Variants in HECW1 observed in about 807,000 individuals in gnomAD.
HECW1 encodes HECT, C2 and WW domain containing E3 ubiquitin protein ligase 1.
Under a neutral mutation model 182.3 loss-of-function variants are expected in HECW1, and 61 were observed. That is an observed-to-expected ratio of 0.33 (90% CI 0.27 to 0.41). The LOEUF (loss-of-function observed/expected upper bound fraction) is 0.41. Among genes scored for constraint, HECW1 ranks in the 10% least tolerant of loss-of-function variants. The probability of loss-of-function intolerance (pLI) is 1.00; values close to 1 mark genes in which losing one functional copy is unlikely to be tolerated. For synonymous variants in HECW1, 859 were observed against 832.6 expected (o/e 1.03, Z -0.55); for missense variants, 1,739 against 2,108.9 (o/e 0.82, Z 3.44).
rs559537050 is a variant in HECW1, at chr7:43,563,677, T to A, written c.*1751T>A. The A allele has an allele frequency of 1.7e-5, 3 of 175,994 alleles. No homozygotes were observed. In the South Asian group the frequency reaches 6.0e-4, roughly 35 times the overall value. 10.9% of individuals were successfully genotyped at this position (175,994 alleles called of 1,614,324 possible). On this transcript the variant is annotated 3_prime_UTR_variant, in exon 30 of 30. Coordinates refer to ENST00000395891, the MANE Select transcript of HECW1 (RefSeq NM_015052.5). ...TGAGGTCAGGAGTTCAAGACAAGCC[T>A]GGCCAACATGGTGAAACCCCATCTC...
rs117280168 is a variant in HECW1, at chr7:43,514,824, C to T, written c.4019+5703C>T. 4.7e-4 allele frequency among the ~76,000 whole-genome samples: 72 copies of T among 152,176 alleles called. 1 individual carries two copies. The East Asian group carries it at 0.014, about 29-fold the overall frequency. On this transcript the variant is annotated intron_variant, in intron 24 of 29. Transcript: ENST00000395891. ...CCCAGATATAATGTTATTATTACAA[C>T]ATTATAACCCACATACTGAGTTATC...
chr7:43,250,673 G>A (rs890549458), intron 3 of HECW1, among the ~76,000 whole-genome samples: 1 of 152,242 alleles, frequency 6.6e-6, no homozygotes, highest in African/African-American at 2.4e-5. Flanking sequence ...CTGAACTTGC[G>A]TAAAAAAATA....
At chr7:43,469,532 T>C (rs1199779534) in intron 16 of HECW1, among the ~76,000 whole-genome samples, 1 of 152,234 alleles carries the variant, frequency 6.6e-6, no homozygotes, top group African/African-American at 2.4e-5. Context: ...TGTTAGATTA[T>C]TTGTTGTGAT....
At chr7:43,152,210 A>G (rs1789407767) in intron 2 of HECW1, among the ~76,000 whole-genome samples, 2 of 152,216 alleles carry the variant, frequency 1.3e-5, no homozygotes. Context: ...TGGGAAAAAA[A>G]ATGTTCAAGG....
chr7:43,300,007 A>G (rs1386318903), intron 3 of HECW1, among the ~76,000 whole-genome samples: 1 of 152,206 alleles, frequency 6.6e-6, no homozygotes, highest in Admixed American at 6.5e-5. Context: ...TTACTCTGTT[A>G]GACAGGTGTC....
At chr7:43,353,894 G>A (rs1318863462) in intron 5 of HECW1, among the ~76,000 whole-genome samples, 2 of 152,128 alleles carry the variant, frequency 1.3e-5, no homozygotes, top group African/African-American at 4.8e-5. Context: ...CTCAGCCAAA[G>A]GAGACACTAA....
chr7:43,351,152 C>A (rs1360141070), intron 5 of HECW1, among the ~76,000 whole-genome samples: 1 of 152,146 alleles, frequency 6.6e-6, no homozygotes, highest in East Asian at 1.9e-4. Context: ...GTCTAGCCAC[C>A]CAGCGAGTCT....
intron 6 of HECW1, among the ~76,000 whole-genome samples, chr7:43,370,258 C>A (rs1340977396): frequency 6.6e-6 from 1 of 151,972 alleles, no homozygotes; most frequent in Admixed American, 6.5e-5. Context: ...GAAAAGATGC[C>A]CAACAATATA....
intron 14 of HECW1, among the ~76,000 whole-genome samples, chr7:43,465,252 A>G (rs2077723989): frequency 6.6e-6 from 1 of 152,250 alleles, no homozygotes; most frequent in East Asian, 1.9e-4. Context: ...TCCCACAATT[A>G]GTGGCTGAAA....
At chr7:43,488,397 AGG>A (rs1563045321) in intron 17 of HECW1, among the ~76,000 whole-genome samples, 85 of 125,732 alleles carry the variant, frequency 6.8e-4, no homozygotes, top group Middle Eastern at 4.0e-3. Context: ...GAAGGAAGGA[AGG>A]AAATGAAAGA....
At chr7:43,293,666 T>G (rs1202559746) in intron 3 of HECW1, among the ~76,000 whole-genome samples, 1 of 152,116 alleles carries the variant, frequency 6.6e-6, no homozygotes, top group East Asian at 1.9e-4. Context: ...CCTAAAGGAG[T>G]GCTCCAGATC....
chr7:43,169,790 G>A (rs763573066), intron 2 of HECW1, among the ~76,000 whole-genome samples: 7 of 146,372 alleles, frequency 4.8e-5, no homozygotes, highest in Non-Finnish European at 7.4e-5. Context: ...CCGGGTTCAC[G>A]CCATTCTCCT....
intron 2 of HECW1, among the ~76,000 whole-genome samples, chr7:43,202,460 A>G (rs1381871866): frequency 6.6e-6 from 1 of 152,032 alleles, no homozygotes; most frequent in Non-Finnish European, 1.5e-5. Context: ...TTATAATCAT[A>G]AAATTTTTCT....
At chr7:43,474,008 C>A (rs1471982338) in intron 16 of HECW1, among the ~76,000 whole-genome samples, 1 of 151,976 alleles carries the variant, frequency 6.6e-6, no homozygotes, top group Non-Finnish European at 1.5e-5. Flanking sequence ...GCTTTGGTAA[C>A]AAACAGATCC....
intron 6 of HECW1, among the ~76,000 whole-genome samples, chr7:43,366,309 A>G (rs1448100686): frequency 6.6e-6 from 1 of 152,140 alleles, no homozygotes; most frequent in Non-Finnish European, 1.5e-5. Flanking sequence ...CCTCCACATC[A>G]GTCTGAGTCT....
chr7:43,211,414 T>C (rs1795995397), intron 2 of HECW1, among the ~76,000 whole-genome samples: 1 of 152,180 alleles, frequency 6.6e-6, no homozygotes, highest in South Asian at 2.1e-4. Context: ...GTGTGAATGC[T>C]CCATGCGGGC....
chr7:43,467,028 G>T (rs1448518507), intron 15 of HECW1, among the ~76,000 whole-genome samples: 1 of 152,164 alleles, frequency 6.6e-6, no homozygotes, highest in Non-Finnish European at 1.5e-5. Flanking sequence ...TTTTACATAT[G>T]TAGTTTTTTC....
chr7:43,149,759 AT>A (rs1432434868), intron 2 of HECW1, among the ~76,000 whole-genome samples: 3 of 152,070 alleles, frequency 2.0e-5, no homozygotes, highest in East Asian at 1.9e-4. Context: ...ATTCTTCAAA[AT>A]TTTTTTCAGA....
In HECW1 at chr7:43,354,109, T is replaced by C. The variant is rs562232223; in HGVS notation, c.461-6777T>C. Among the ~76,000 whole-genome samples, 4 of 150,650 alleles carry C rather than the reference T, an allele frequency of 2.7e-5. No individual in the cohort carries two copies. The South Asian group carries it at 8.4e-4, about 32-fold the overall frequency. ...CCATCTAGTGTCAAAAAGGAGGCAA[T>C]TATTTATAGTAGGGGAAAAAAAAGA... On this transcript the variant is annotated intron_variant, in intron 5 of 29. Transcript: ENST00000395891.
Sources: allele counts gnomAD v4.1 joint callset (sites outside exome capture counted in the v4.1 genomes callset), GRCh38; gene constraint gnomAD v4.1.1; transcripts MANE v1.5; gene names NCBI Gene and HGNC (gene_info 2026-07-23, HGNC 2026-07-21).